The following CYP2C19 variants were observed in gnomAD, a reference collection of about 807,000 sequenced individuals.
CYP2C19 encodes cytochrome P450 family 2 subfamily C member 19, also known as cytochrome P450 2C19.
In CYP2C19, 59 loss-of-function variants were observed where a neutral mutation model predicts 40.9. That is an observed-to-expected ratio of 1.44 (90% CI 1.17 to 1.79). CYP2C19 has a LOEUF of 1.79. CYP2C19 is among the 40% of genes most tolerant of loss of function. The probability of loss-of-function intolerance (pLI) is 0.00; values close to 1 mark genes in which losing one functional copy is unlikely to be tolerated. For synonymous variants in CYP2C19, 253 were observed against 208.7 expected, an observed-to-expected ratio of 1.21 and a Z score of -1.83; for missense variants, 754 against 596.9, an observed-to-expected ratio of 1.26 and a Z score of -2.74.
intron 5 of CYP2C19, among the ~76,000 whole-genome samples, chr10:94,790,348 G>A (rs1848590386): frequency 6.6e-6 from 1 of 152,062 alleles, no homozygotes; most frequent in South Asian, 2.1e-4. Context: ...TCTTTCTCTT[G>A]CCTGATTGCC....
intron 7 of CYP2C19, 136 bp from the exon 8 acceptor site, chr10:94,849,781 T>C: frequency 9.1e-7 from 1 of 1,098,180 alleles, no homozygotes; most frequent in Admixed American, 1.8e-5. Context: ...TCTATCTGTC[T>C]GGAAATGGTA....
At chr10:94,797,238 T>A (rs1272555860) in intron 5 of CYP2C19, among the ~76,000 whole-genome samples, 2 of 152,118 alleles carry the variant, frequency 1.3e-5, no homozygotes, top group Admixed American at 6.5e-5. Context: ...TTTCTGTATC[T>A]ATTGAGATAA....
At chr10:94,824,154 A>C (rs1488168128) in intron 6 of CYP2C19, among the ~76,000 whole-genome samples, 3 of 152,208 alleles carry the variant, frequency 2.0e-5, no homozygotes, top group Non-Finnish European at 4.4e-5. Context: ...TAGCTGTCTT[A>C]CCAGAGAACC....
At chr10:94,825,933 G>C (rs1029597561) in intron 6 of CYP2C19, among the ~76,000 whole-genome samples, 3 of 151,650 alleles carry the variant, frequency 2.0e-5, no homozygotes, top group African/African-American at 7.3e-5. Context: ...TCCATTGCTT[G>C]TTTTTCTCAG....
chr10:94,849,856 C>G, intron 7 of CYP2C19, 61 bp from the exon 8 acceptor site: 1 of 1,592,096 alleles, frequency 6.3e-7, no homozygotes, highest in Non-Finnish European at 8.6e-7. Flanking sequence ...ATGATTACCA[C>G]TGTTTCTTAA....
In CYP2C19 at chr10:94,849,938, C is replaced by T. The variant is rs765872433; in HGVS notation, c.1171C>T (p.Leu391Phe). The stretch of plus-strand genomic sequence containing the variant: ...CTAGGGCACAACCATATTAACTTCC[C>T]TCACTTCTGTGCTACATGACAACAA... The part of the protein sequence containing the change: ...IPKGTTILTS[L>F]TSVLHDNKEF... Residue 391 changes from leucine to phenylalanine, a missense_variant, in exon 8 of 9, where the codon CTC becomes TTC. By Grantham distance (22) the Leu-to-Phe change is conservative. Coordinates refer to ENST00000371321, the MANE Select transcript of CYP2C19 (RefSeq NM_000769.4). The T allele has an allele frequency of 1.2e-6, 2 of 1,613,610 alleles. No homozygotes were observed. Among genetic ancestry groups the T allele is most frequent in the Non-Finnish European group, 1.7e-6 (2 of 1,179,768 alleles).
chr10:94,811,415 AG>A (rs1321756874), intron 5 of CYP2C19, among the ~76,000 whole-genome samples: 5 of 152,168 alleles, frequency 3.3e-5, no homozygotes, highest in African/African-American at 1.2e-4. Flanking sequence ...TCCAGAGCTT[AG>A]TTCAAGTCCT....
intron 5 of CYP2C19, among the ~76,000 whole-genome samples, chr10:94,784,740 C>T (rs1486508314): frequency 1.3e-5 from 2 of 151,948 alleles, no homozygotes; most frequent in Non-Finnish European, 2.9e-5. Flanking sequence ...CAGGAATGTG[C>T]CACCATACCT....
At chr10:94,837,472 A>T (rs1849422390) in intron 6 of CYP2C19, among the ~76,000 whole-genome samples, 1 of 152,038 alleles carries the variant, frequency 6.6e-6, no homozygotes, top group Non-Finnish European at 1.5e-5. Flanking sequence ...TCCTTCTCCT[A>T]TGTTCAGGTG....
At chr10:94,796,754 G>A (rs974943035) in intron 5 of CYP2C19, among the ~76,000 whole-genome samples, 2 of 152,116 alleles carry the variant, frequency 1.3e-5, no homozygotes, top group Non-Finnish European at 2.9e-5. Flanking sequence ...TCTCTTTGAA[G>A]CAGTTGTGAA....
At chr10:94,815,754 A>G (rs1018150248) in intron 5 of CYP2C19, among the ~76,000 whole-genome samples, 1 of 152,162 alleles carries the variant, frequency 6.6e-6, no homozygotes, top group Non-Finnish European at 1.5e-5. Flanking sequence ...CCATCTTGTC[A>G]TTGTAAACTC....
chr10:94,829,321 C>T (rs1239098401), intron 6 of CYP2C19, among the ~76,000 whole-genome samples: 1 of 152,190 alleles, frequency 6.6e-6, no homozygotes, highest in East Asian at 1.9e-4. Flanking sequence ...TAGATTTGGT[C>T]TTTTCACATA....
rs914722582 is a variant in CYP2C19 at position 94,855,480 on chromosome 10, C to T, written c.*2566C>T. ...CATATGAGAAGAGAACTTTATTTGGCTCACTAATGAATACCAGCCACCTGA... is the reference window on the plus strand; with the variant it reads ...CATATGAGAAGAGAACTTTATTTGGTTCACTAATGAATACCAGCCACCTGA... On this transcript the variant is annotated 3_prime_UTR_variant, in exon 9 of 9. Coordinates refer to ENST00000371321, the MANE Select transcript of CYP2C19 (RefSeq NM_000769.4). 6.6e-6 allele frequency among the ~76,000 whole-genome samples: 1 copy of T among 152,188 alleles called. No individual in the cohort carries two copies. The highest frequency in any genetic ancestry group is 2.4e-5 in the African/African-American group (1 of 41,446).
intron 1 of CYP2C19, among the ~76,000 whole-genome samples, chr10:94,766,187 G>A (rs1350121210): frequency 2.0e-5 from 3 of 152,076 alleles, no homozygotes; most frequent in Admixed American, 6.5e-5. Context: ...AGCAGAGGTT[G>A]ATAGATACAA....
At chr10:94,837,484 A>G (rs1431196516) in intron 6 of CYP2C19, among the ~76,000 whole-genome samples, 2 of 152,124 alleles carry the variant, frequency 1.3e-5, no homozygotes, top group African/African-American at 2.4e-5. Context: ...GTTCAGGTGT[A>G]TAATGGCCCC....
chr10:94,791,751 T>A (rs1047165235), intron 5 of CYP2C19, among the ~76,000 whole-genome samples: 1 of 152,168 alleles, frequency 6.6e-6, no homozygotes, highest in African/African-American at 2.4e-5. Flanking sequence ...TAATTTCTAT[T>A]CTTTTACATT....
chr10:94,765,047 G>A (rs969838673), intron 1 of CYP2C19, among the ~76,000 whole-genome samples: 1 of 152,146 alleles, frequency 6.6e-6, no homozygotes, highest in Non-Finnish European at 1.5e-5. Flanking sequence ...GTCCTCAGTG[G>A]TTTTGGAGAG....
Position 94,854,453 on chromosome 10 carries a change from G to A in CYP2C19, c.*1539G>A, listed in dbSNP as rs535901283. ...TAATTAGCCTCATGTCATCTCCAAA[G>A]CATAGACAACTAAGTATCTTATGTT... On this transcript the variant is annotated 3_prime_UTR_variant, in exon 9 of 9. Transcript: ENST00000371321. Among the ~76,000 whole-genome samples, 1 of 151,988 alleles carries A rather than the reference G, an allele frequency of 6.6e-6. No individual in the cohort carries two copies. Among genetic ancestry groups the A allele is most frequent in the East Asian group, 1.9e-4 (1 of 5,174 alleles).
At chr10:94,817,265 G>C (rs954788314) in intron 5 of CYP2C19, among the ~76,000 whole-genome samples, 1 of 149,740 alleles carries the variant, frequency 6.7e-6, no homozygotes, top group African/African-American at 2.5e-5. Flanking sequence ...TTTAATGATT[G>C]CCATTCTAAC....
Sources: gnomAD v4.1 joint callset for allele counts (sites outside exome capture counted in the v4.1 genomes callset) on GRCh38, gnomAD v4.1.1 for gene constraint, MANE v1.5 for transcripts, NCBI Gene and HGNC (gene_info 2026-07-23, HGNC 2026-07-21) for gene names.